Variants in ACSBG2 observed in about 807,000 individuals in gnomAD.
The protein encoded by ACSBG2 is long-chain-fatty-acid--CoA ligase ACSBG2.
Under a neutral mutation model 74.7 loss-of-function variants are expected in ACSBG2, and 62 were observed. That is an observed-to-expected ratio of 0.83 (90% CI 0.68 to 1.03). ACSBG2 has a LOEUF of 1.03. Among genes scored for constraint, ACSBG2 ranks in the 50% least tolerant of loss-of-function variants. The pLI, the probability that ACSBG2 is intolerant of heterozygous loss-of-function variation, is 0.00. For synonymous variants in ACSBG2, 309 were observed against 294.1 expected (o/e 1.05, Z -0.52); for missense variants, 730 against 817.6 (o/e 0.89, Z 1.31).
At chr19:6,188,833 G>A (rs896334603) in intron 13 of ACSBG2, among the ~76,000 whole-genome samples, 1 of 152,144 alleles carries the variant, frequency 6.6e-6, no homozygotes, top group Non-Finnish European at 1.5e-5. Context: ...TGTGGAAGCT[G>A]CATTCTTTGG....
chr19:6,170,847 T>C (rs79473638), intron 7 of ACSBG2, among the ~76,000 whole-genome samples: 2,863 of 152,302 alleles, frequency 0.019, 87 homozygotes, highest in African/African-American at 0.066. Flanking sequence ...TCCCTCACAA[T>C]TATTGTATGG....
At chr19:6,173,872 C>T (rs576138802) in intron 7 of ACSBG2, among the ~76,000 whole-genome samples, 1 of 152,066 alleles carries the variant, frequency 6.6e-6, no homozygotes, top group African/African-American at 2.4e-5. Flanking sequence ...CCACAGGGCT[C>T]TGGGCAGGGT....
chr19:6,185,095 T>A (rs2090369901), intron 10 of ACSBG2, among the ~76,000 whole-genome samples: 1 of 151,868 alleles, frequency 6.6e-6, no homozygotes, highest in Non-Finnish European at 1.5e-5. Flanking sequence ...ACTTTTATTT[T>A]TTATTATTTT....
In ACSBG2 at chr19:6,165,989, A is replaced by G; in HGVS notation, c.712A>G (p.Lys238Glu). 6.2e-7 allele frequency: 1 copy of G among 1,614,058 alleles called. No individual in the cohort carries two copies. Among genetic ancestry groups the G allele is most frequent in the Non-Finnish European group, 8.5e-7 (1 of 1,179,962 alleles). The part of the protein sequence containing the change: ...IYTSGTTGIP[K>E]GVMLSHDNIT... ...CACTTCAGGGACCACAGGCATACCC[A>G]AGGGAGTGATGCTCAGTCATGACAA... is the stretch of plus-strand genomic sequence containing the variant. Residue 238 changes from lysine to glutamate, a missense_variant, in exon 7 of 15, where the codon AAG (lysine) becomes GAG (glutamate). Physicochemically the swap from Lys to Glu is moderately conservative, Grantham distance 56. Coordinates refer to ENST00000588485, the MANE Select transcript of ACSBG2 (RefSeq NM_030924.5).
intron 6 of ACSBG2, among the ~76,000 whole-genome samples, chr19:6,163,509 G>A (rs543844672): frequency 6.7e-6 from 1 of 149,488 alleles, no homozygotes; most frequent in Non-Finnish European, 1.5e-5. Context: ...GGGAAGCCGA[G>A]GTGGGTGGAT....
chr19:6,176,390 A>G, intron 7 of ACSBG2: 1 of 1,524,310 alleles, frequency 6.6e-7, no homozygotes, highest in South Asian at 1.3e-5. Flanking sequence ...CCACCATCTC[A>G]TGCTTGTCTG....
At chr19:6,167,517 ATCT>A (rs1285368474) in intron 7 of ACSBG2, among the ~76,000 whole-genome samples, 4 of 152,192 alleles carry the variant, frequency 2.6e-5, no homozygotes, top group Non-Finnish European at 5.9e-5. Context: ...CACCCTGGAA[ATCT>A]TCTCTGAATT....
intron 8 of ACSBG2, among the ~76,000 whole-genome samples, chr19:6,178,147 T>C (rs925581610): frequency 1.3e-5 from 2 of 152,142 alleles, no homozygotes; most frequent in African/African-American, 4.8e-5. Context: ...CTCTCCCGTC[T>C]TCTCATTTCT....
intron 1 of ACSBG2, among the ~76,000 whole-genome samples, chr19:6,139,477 A>AT (rs1162717676): frequency 2.0e-5 from 3 of 152,192 alleles, no homozygotes; most frequent in Admixed American, 6.6e-5. Context: ...AATCACGTGC[A>AT]TGTTACAGGG....
Position 6,155,262 on chromosome 19 carries a change from C to T in ACSBG2, c.387-1169C>T, listed in dbSNP as rs1480076177. ...TATTTGTATGGAAAAATAAATCAGC[C>T]CTGATCCCTACCTCACATCATATGC... On this transcript the variant is annotated intron_variant, in intron 4 of 14. Transcript: ENST00000588485. Among the ~76,000 whole-genome samples, 4 of 152,074 alleles carry T rather than the reference C, an allele frequency of 2.6e-5. No individual in the cohort carries two copies. The East Asian group carries it at 7.7e-4, about 29-fold the overall frequency.
chr19:6,137,643 T>C (rs1353522398), intron 1 of ACSBG2, among the ~76,000 whole-genome samples: 2 of 151,870 alleles, frequency 1.3e-5, no homozygotes, highest in Non-Finnish European at 2.9e-5. Flanking sequence ...TGTATTTATG[T>C]ATTTATTTAT....
At chr19:6,152,668 C>T (rs1006073512) in intron 4 of ACSBG2, among the ~76,000 whole-genome samples, 3 of 151,716 alleles carry the variant, frequency 2.0e-5, no homozygotes, top group Non-Finnish European at 4.4e-5. Context: ...GTAATTCTAC[C>T]TTTGGGAGTT....
At chr19:6,187,526 C>T (rs554418071) in intron 12 of ACSBG2, 73 bp from the exon 13 acceptor site, 48 of 1,604,938 alleles carry the variant, frequency 3.0e-5, no homozygotes, top group Non-Finnish European at 3.7e-5. Context: ...TCAAGACCCA[C>T]TTCTTGGTCT....
chr19:6,177,420 G>C (rs2090116807), intron 8 of ACSBG2, 24 bp downstream of exon 8: 2 of 1,550,994 alleles, frequency 1.3e-6, no homozygotes, highest in Non-Finnish European at 8.7e-7. Flanking sequence ...AGGACCTGGG[G>C]CTCCGACTTC....
chr19:6,162,139 G>A (rs1317887164), intron 6 of ACSBG2, among the ~76,000 whole-genome samples: 1 of 151,604 alleles, frequency 6.6e-6, no homozygotes, highest in African/African-American at 2.4e-5. Context: ...GGTGGTACGT[G>A]CCTGTAGTCC....
intron 5 of ACSBG2, chr19:6,160,668 G>GT: frequency 6.6e-6 from 1 of 152,482 alleles, no homozygotes; most frequent in Non-Finnish European, 1.5e-5. Flanking sequence ...TGTTGTCTCG[G>GT]GCAGACTATT....
At chr19:6,165,567 A>T (rs76769540) in intron 6 of ACSBG2, among the ~76,000 whole-genome samples, 3,525 of 152,330 alleles carry the variant, frequency 0.023, 123 homozygotes, top group African/African-American at 0.076. Flanking sequence ...CACTTTGCAT[A>T]TATTAACTCT....
intron 7 of ACSBG2, among the ~76,000 whole-genome samples, chr19:6,176,607 G>A (rs1199186311): frequency 1.3e-5 from 2 of 151,630 alleles, no homozygotes; most frequent in South Asian, 2.1e-4. Flanking sequence ...TGCTCTCAAG[G>A]TAAGATCGAA....
At position 6,180,349 on chromosome 19, in the gene ACSBG2, GTTCT is replaced by G. The variant is rs2145222256; in HGVS notation, c.907-2397_907-2394del. Among the ~76,000 whole-genome samples the G allele has an allele frequency of 6.6e-6, 1 of 152,296 alleles. No individual in the cohort carries two copies. Among genetic ancestry groups the G allele is most frequent in the South Asian group, 2.1e-4 (1 of 4,826 alleles). ...GGGCCTTTGCACGTGCTTCTAGAAG[GTTCT>G]TTCTCTTGTTCTTTGCAGGGCTGAC... On this transcript the variant is annotated intron_variant, in intron 8 of 14. Transcript: ENST00000588485. This position sits in a 1 kb window ranked among gnomAD's most constrained non-coding sequence, Gnocchi z 4.3.
Sources: gnomAD v4.1 joint callset for allele counts (sites outside exome capture counted in the v4.1 genomes callset) on GRCh38, gnomAD v4.1.1 for gene constraint, Gnocchi (gnomAD v3.1) non-coding constraint, MANE v1.5 for transcripts, NCBI Gene and HGNC (gene_info 2026-07-23, HGNC 2026-07-21) for gene names.